The following ABR variants were observed in gnomAD, a reference collection of about 807,000 sequenced individuals.
ABR encodes the protein ABR activator of RhoGEF and GTPase, also known as active breakpoint cluster region-related protein.
ABR carries 35 observed loss-of-function variants against 107.2 expected under a neutral mutation model. That is an observed-to-expected ratio of 0.33 (90% CI 0.25 to 0.43). ABR has a LOEUF of 0.43. Among genes scored for constraint, ABR ranks in the 20% least tolerant of loss-of-function variants. The pLI, the probability that ABR is intolerant of heterozygous loss-of-function variation, is 1.00. For missense variants in ABR, 815 were observed against 1,115.2 expected (o/e 0.73, Z 3.83); for synonymous variants, 498 against 462.0 (o/e 1.08, Z -1.00).
chr17:1,064,788 T>C (rs1180880505), intron 10 of ABR, among the ~76,000 whole-genome samples: 8 of 120,926 alleles, frequency 6.6e-5, no homozygotes, highest in Non-Finnish European at 7.2e-5. Flanking sequence ...CATGTTCCTC[T>C]AGACACTGTT....
intron 1 of ABR, among the ~76,000 whole-genome samples, chr17:1,215,517 G>C (rs147282229): frequency 9.2e-5 from 14 of 152,312 alleles, no homozygotes; most frequent in East Asian, 1.9e-4. Context: ...CCGGGATTGC[G>C]GACGGAGTCT....
chr17:1,141,342 A>C (rs1311086276), intron 1 of ABR, among the ~76,000 whole-genome samples: 1 of 152,182 alleles, frequency 6.6e-6, no homozygotes, highest in Non-Finnish European at 1.5e-5. Flanking sequence ...GGTCAAGGGC[A>C]GAGGCTTTGG....
In ABR at chr17:1,076,729, TGG is replaced by T. The variant is rs1214622660; in HGVS notation, c.700+2599_700+2600del. Among the ~76,000 whole-genome samples, 7 of 13,496 alleles carry T rather than the reference TGG, an allele frequency of 5.2e-4. 1 individual carries two copies. Among genetic ancestry groups the T allele is most frequent in the South Asian group, 4.4e-3 (2 of 458 alleles). 8.9% of individuals were successfully genotyped at this position (13,496 alleles called of 152,430 possible). A position where few individuals can be genotyped will look rare whatever the true frequency, so the allele number is the denominator to read the frequency against. On this transcript the variant is annotated intron_variant, in intron 6 of 22. Transcript: ENST00000302538. Reference sequence around the variant, plus strand: ...GGCAGGTGCACGGGGGGGGTGGGGGTGGGGGGGGTGGCGGCACTGGGACCACA... The same window carrying T: ...GGCAGGTGCACGGGGGGGGTGGGGGTGGGGGGTGGCGGCACTGGGACCACA...
At position 1,091,754 on chromosome 17, in the gene ABR, C is replaced by T; in HGVS notation, c.442G>A (p.Glu148Lys). 6.2e-7 allele frequency: 1 copy of T among 1,614,184 alleles called. No homozygotes were observed. The highest frequency in any genetic ancestry group is 1.1e-5 in the South Asian group (1 of 91,084). ...TIFYKIQDIY[E>K]IHKEFYDNLC... ...TTGTCATAGAACTCCTTGTGGATCTCATAGATGTCCTGGATCTTGTAGAAG... is the reference window on the plus strand; with the variant it reads ...TTGTCATAGAACTCCTTGTGGATCTTATAGATGTCCTGGATCTTGTAGAAG... Residue 148 changes from glutamate (E) to lysine (K), a missense_variant, in exon 4 of 23, where the codon GAG becomes AAG. Physicochemically the swap from Glu to Lys is moderately conservative, Grantham distance 56. Around this residue, in one of 5 missense-constraint regions of ABR, gnomAD observed 385 missense variants for 596.9 expected, o/e 0.64. Coordinates refer to ENST00000302538, the MANE Select transcript of ABR (RefSeq NM_021962.5).
At chr17:1,214,590 T>G (rs942168600) in intron 1 of ABR, among the ~76,000 whole-genome samples, 2 of 151,500 alleles carry the variant, frequency 1.3e-5, no homozygotes, top group Non-Finnish European at 2.9e-5. Context: ...TCACCTGACG[T>G]CAGGAGTTCG....
At chr17:1,055,679 C>A (rs1028475394) in intron 14 of ABR, 1 of 195,846 alleles carries the variant, frequency 5.1e-6, no homozygotes, top group Non-Finnish European at 1.1e-5. Context: ...AGGCGTCCAC[C>A]GCCATGCCCA....
chr17:1,198,231 T>C (rs2042606991), intron 1 of ABR, among the ~76,000 whole-genome samples: 1 of 151,598 alleles, frequency 6.6e-6, no homozygotes, highest in South Asian at 2.1e-4. Context: ...AGGCCACATT[T>C]CCTTCCAGGC....
At chr17:1,030,511 G>T (rs1475899110) in intron 16 of ABR, among the ~76,000 whole-genome samples, 1 of 152,268 alleles carries the variant, frequency 6.6e-6, no homozygotes, top group Non-Finnish European at 1.5e-5. Flanking sequence ...TCCCCAGGGA[G>T]GCTGAAGGTG....
rs539800145 is a variant in ABR, at chr17:1,076,781, A to T, written c.700+2549T>A. ...ATCAGATACGGAGGGAACCGGGGGAATAAGAGCGGCCCTGAAGTTTGTGCT... is the reference window on the plus strand; with the variant it reads ...ATCAGATACGGAGGGAACCGGGGGATTAAGAGCGGCCCTGAAGTTTGTGCT... On this transcript the variant is annotated intron_variant, in intron 6 of 22. Coordinates refer to ENST00000302538, the MANE Select transcript of ABR (RefSeq NM_021962.5). Among the ~76,000 whole-genome samples, 92 of 146,266 alleles carry T rather than the reference A, an allele frequency of 6.3e-4. 2 individuals are homozygous for T. In the South Asian group the frequency reaches 0.013, roughly 21 times the overall value.
chr17:1,011,773 G>T lies in ABR; in HGVS notation c.2101+73C>A, dbSNP rs539191607. The T allele has an allele frequency of 4.4e-5, 66 of 1,486,460 alleles. No homozygotes were observed. The highest frequency in any genetic ancestry group is 2.0e-4 in the African/African-American group (14 of 71,458). 92.1% of individuals were successfully genotyped at this position (1,486,460 alleles called of 1,614,324 possible). ...CTCCAGGGAGGCTCCTGGTTCCCCC[G>T]AGCTCTCCTGTCCATCCCACCAGCC... is the stretch of plus-strand genomic sequence containing the variant. On this transcript the variant is annotated intron_variant, in intron 19 of 22. Transcript: ENST00000302538. This position sits in a 1 kb window ranked among gnomAD's most constrained non-coding sequence, Gnocchi z 4.8.
intron 2 of ABR, chr17:1,101,025 T>C (rs1028210879): frequency 4.7e-6 from 2 of 429,502 alleles, no homozygotes; most frequent in Middle Eastern, 7.0e-4. Flanking sequence ...GGTTTCACCA[T>C]GTTGGCCAGG....
chr17:1,061,356 C>T (rs1014402680), intron 10 of ABR, among the ~76,000 whole-genome samples: 1 of 152,136 alleles, frequency 6.6e-6, no homozygotes, highest in Non-Finnish European at 1.5e-5. Flanking sequence ...GCTGTGCTGG[C>T]GAGGAAGCCC....
At position 1,100,741 on chromosome 17, in the gene ABR, CA is replaced by C; in HGVS notation, c.247-7del. 6.2e-7 allele frequency: 1 copy of C among 1,614,086 alleles called. No individual in the cohort carries two copies. The highest frequency in any genetic ancestry group is 8.5e-7 in the Non-Finnish European group (1 of 1,179,978). On this transcript the variant is annotated splice_polypyrimidine_tract_variant and splice_region_variant and intron_variant, in intron 2 of 22. Transcript: ENST00000302538. ...AGGCCTTTCCCTGCTTCCACCTGCA[CA>C]AACGCAAAGCACAGCCAACAGCTCA...
intron 2 of ABR, among the ~76,000 whole-genome samples, chr17:1,118,362 GT>G (rs1324064073): frequency 4.8e-4 from 12 of 24,962 alleles, no homozygotes; most frequent in Non-Finnish European, 6.1e-4. Context: ...CTGAGCCTGA[GT>G]TCCTCCCAGC....
Position 1,011,187 on chromosome 17 carries a change from C to T in ABR, c.2102-324G>A, listed in dbSNP as rs1163226983. The T allele has an allele frequency of 2.9e-6, 1 of 349,344 alleles. No homozygotes were observed. Among genetic ancestry groups the T allele is most frequent in the Admixed American group, 4.2e-5 (1 of 23,574 alleles). The allele number at this position is 349,344 out of a possible 1,614,324, so 21.6% of individuals were successfully genotyped here. A position where few individuals can be genotyped will look rare whatever the true frequency, so the allele number is the denominator to read the frequency against. On this transcript the variant is annotated intron_variant, in intron 19 of 22. Transcript: ENST00000302538. The surrounding 1 kb of genome is among the most constrained non-coding windows in gnomAD (Gnocchi z 4.8). Reference sequence around the variant, plus strand: ...CCTTCCGACTGGAACCTCTCCATCGCTAAGCCCCTCTCTGGAAGGCATTGC... The same window carrying T: ...CCTTCCGACTGGAACCTCTCCATCGTTAAGCCCCTCTCTGGAAGGCATTGC...
chr17:1,196,233 C>G (rs1014792216), intron 1 of ABR, among the ~76,000 whole-genome samples: 2 of 151,554 alleles, frequency 1.3e-5, no homozygotes, highest in Non-Finnish European at 2.9e-5. Flanking sequence ...AGTTCAAGAC[C>G]AGCCTGGCCA....
Position 1,078,980 on chromosome 17 carries a change from A to T in ABR, c.700+350T>A. On this transcript the variant is annotated intron_variant, in intron 6 of 22. Coordinates refer to ENST00000302538, the MANE Select transcript of ABR (RefSeq NM_021962.5). The surrounding 1 kb of genome is among the most constrained non-coding windows in gnomAD (Gnocchi z 7.5). ...TGCCGCACGGACTCCAGCATCGGGC[A>T]GCCGCTCCGGAGTGCTCTTCCAGCA... 6.9e-7 allele frequency: 1 copy of T among 1,454,986 alleles called. No individual in the cohort carries two copies. The highest frequency in any genetic ancestry group is 9.1e-7 in the Non-Finnish European group (1 of 1,098,828). The allele number at this position is 1,454,986 out of a possible 1,614,324, so 90.1% of individuals were successfully genotyped here.
chr17:1,087,644 C>T (rs1465963053), intron 4 of ABR, among the ~76,000 whole-genome samples: 1 of 152,058 alleles, frequency 6.6e-6, no homozygotes, highest in Admixed American at 6.6e-5. Context: ...TACTGAGGCC[C>T]GGCCCATCAA....
intron 16 of ABR, among the ~76,000 whole-genome samples, chr17:1,043,318 C>A (rs1419021383): frequency 6.6e-6 from 1 of 152,110 alleles, no homozygotes; most frequent in Non-Finnish European, 1.5e-5. Context: ...CAGGCGTGCA[C>A]CACCACGCCC....
Sources: allele counts gnomAD v4.1 joint callset (sites outside exome capture counted in the v4.1 genomes callset), GRCh38; gene constraint gnomAD v4.1.1; regional missense constraint gnomAD v4.1.1; non-coding constraint Gnocchi (gnomAD v3.1); transcripts MANE v1.5; gene names NCBI Gene and HGNC (gene_info 2026-07-23, HGNC 2026-07-21).